PYGM: variants seen among roughly 807,000 people sequenced by gnomAD.
PYGM encodes glycogen phosphorylase, muscle associated, also known as glycogen phosphorylase, muscle form.
Under a neutral mutation model 99.3 loss-of-function variants are expected in PYGM, and 81 were observed. That is an observed-to-expected ratio of 0.82 (90% CI 0.68 to 0.98). The LOEUF (loss-of-function observed/expected upper bound fraction) is 0.98. Among genes scored for constraint, PYGM ranks in the 50% least tolerant of loss-of-function variants. PYGM has a pLI of 0.00. For missense variants in PYGM, 1,030 were observed against 1,158.1 expected (o/e 0.89, Z 1.61); for synonymous variants, 436 against 451.5 (o/e 0.97, Z 0.44).
At position 64,750,542 on chromosome 11, in the gene PYGM, C is replaced by A. The variant is rs768434441; in HGVS notation, c.2011G>T (p.Gly671Cys). 15 of 1,614,070 alleles carry A rather than the reference C, an allele frequency of 9.3e-6. No homozygotes were observed. Among genetic ancestry groups the A allele is most frequent in the South Asian group, 3.3e-5 (3 of 91,092 alleles). ...ADLSEQISTA[G>C]TEASGTGNMK... ...TTGCCGGTGCCTGAGGCTTCAGTGC[C>A]CGCAGTGGAGATCTGCTCAGAGAGG... is the stretch of plus-strand genomic sequence containing the variant. Residue 671 changes from glycine to cysteine, a missense_variant, in exon 17 of 20, where the codon GGC becomes TGC. Physicochemically the swap from Gly to Cys is radical, Grantham distance 159. Coordinates refer to ENST00000164139, the MANE Select transcript of PYGM (RefSeq NM_005609.4).
At position 64,757,815 on chromosome 11, in the gene PYGM, C is replaced by T; in HGVS notation, c.624G>A (p.Glu208=). 2.5e-6 allele frequency: 4 copies of T among 1,614,184 alleles called. No homozygotes were observed. The highest frequency in any genetic ancestry group is 2.5e-6 in the Non-Finnish European group (3 of 1,180,038). ...TLPVHFYGHV[E]HTSQGAKWVD... Reference sequence around the variant, plus strand: ...CCCACTTGGCACCCTGGCTGGTGTGCTCCACATGGCCGTAGAAGTGCACAG... The same window carrying T: ...CCCACTTGGCACCCTGGCTGGTGTGTTCCACATGGCCGTAGAAGTGCACAG... Residue 208 remains glutamate (E), a synonymous_variant, in exon 5 of 20, where the codon GAG becomes GAA. Transcript: ENST00000164139.
rs984250045 is a variant in PYGM at position 64,750,446 on chromosome 11, C to T, written c.2107G>A (p.Glu703Lys). 9.3e-6 allele frequency: 15 copies of T among 1,614,092 alleles called. No homozygotes were observed. The African/African-American group carries it at 9.3e-5, about 10-fold the overall frequency. ...ATGAAGAAGTTTTCCTCTCCCGCCT[C>T]TTCTGCCATCTCCACATTGGCCCCG... The part of the protein sequence containing the change: ...MDGANVEMAE[E>K]AGEENFFIFG... The change falls in exon 17 of 20, where the codon GAG becomes AAG. Residue 703 changes from glutamate (E) to lysine (K), a missense_variant. Coordinates refer to ENST00000164139, the MANE Select transcript of PYGM (RefSeq NM_005609.4).
intron 17 of PYGM, 64 bp from the exon 18 acceptor site, chr11:64,747,422 A>T: frequency 1.2e-6 from 2 of 1,609,864 alleles, no homozygotes; most frequent in Non-Finnish European, 1.7e-6. Context: ...TCCAGAGAAA[A>T]GCTGAGAAGT....
intron 16 of PYGM, 108 bp from the exon 17 acceptor site, chr11:64,750,691 CA>C (rs1345032590): frequency 9.7e-7 from 1 of 1,026,712 alleles, no homozygotes. Context: ...AGAGTCGCCC[CA>C]CCCCAAACTC....
In PYGM at chr11:64,754,286, G is replaced by T. The variant is rs766772774; in HGVS notation, c.1059C>A (p.Ile353=). The T allele has an allele frequency of 1.2e-6, 2 of 1,613,744 alleles. No individual in the cohort carries two copies. The highest frequency in any genetic ancestry group is 1.1e-5 in the South Asian group (1 of 91,076). Residue 353 remains isoleucine, a synonymous_variant, in exon 9 of 20, where the codon ATC becomes ATA. Transcript: ENST00000164139. This position sits in a 1 kb window ranked among gnomAD's most constrained non-coding sequence, Gnocchi z 5.5. ...PSLAIPELMR[I]LVDLERMDWD... ...AGTCCATCCGTTCCAGGTCCACCAG[G>T]ATCCTCATCAGCTCGGGGATGGCCA...
chr11:64,748,629 C>A (rs2058331103), intron 17 of PYGM: 1 of 152,166 alleles, frequency 6.6e-6, no homozygotes, highest in African/African-American at 2.4e-5. Flanking sequence ...CGGAAATTAA[C>A]CTTAGTGTCC....
At chr11:64,758,107 T>C in intron 4 of PYGM, 139 bp downstream of exon 4, 1 of 1,325,144 alleles carries the variant, frequency 7.5e-7, no homozygotes, top group Non-Finnish European at 1.1e-6. Flanking sequence ...CAGCTGGCTT[T>C]GGGTCGGGGG....
At position 64,753,522 on chromosome 11, in the gene PYGM, GTCT is replaced by G. The variant is rs2058370932; in HGVS notation, c.1397_1399del (p.Lys466del). ...GGATCTGGAAAGCGGGGCTCACATG[GTCT>G]TCTTGAGGATCTCGGAGTGGATGCG... On this transcript the variant is annotated inframe_deletion, in exon 11 of 20. Transcript: ENST00000164139. 6 of 1,589,878 alleles carry G rather than the reference GTCT, an allele frequency of 3.8e-6. No individual in the cohort carries two copies. Among genetic ancestry groups the G allele is most frequent in the African/African-American group, 1.3e-5 (1 of 74,756 alleles).
chr11:64,747,748 C>T (rs1365276225), intron 17 of PYGM: 1 of 332,778 alleles, frequency 3.0e-6, no homozygotes, highest in Admixed American at 4.1e-5. Context: ...AGGTACAACC[C>T]TTCAACTGGG....
chr11:64,749,793 A>ATTTTT (rs71049658), intron 17 of PYGM, among the ~76,000 whole-genome samples: 1 of 136,324 alleles, frequency 7.3e-6, no homozygotes, highest in African/African-American at 2.7e-5. Context: ...GGGAGCAAGG[A>ATTTTT]TTTTTTTTTT....
In PYGM at chr11:64,754,733, C is replaced by G; in HGVS notation, c.959G>C (p.Arg320Pro). 1 of 1,613,734 alleles carries G rather than the reference C, an allele frequency of 6.2e-7. No individual in the cohort carries two copies. The highest frequency in any genetic ancestry group is 8.5e-7 in the Non-Finnish European group (1 of 1,179,988). Residue 320 changes from arginine to proline, a missense_variant, in exon 8 of 20, where the codon CGT (arginine) becomes CCT (proline). By Grantham distance (103) the Arg-to-Pro change is moderately radical. Coordinates refer to ENST00000164139, the MANE Select transcript of PYGM (RefSeq NM_005609.4). The surrounding 1 kb of genome is among the most constrained non-coding windows in gnomAD (Gnocchi z 5.5). ...ATCGAAGTTCGTGCGCACGGGATCA[C>G]GGCAGCCGAACTTGGAAGACTTGAA... ...RRFKSSKFGC[R>P]DPVRTNFDAF...
rs886048460 is a variant in PYGM, at chr11:64,746,738, G to C, written c.2450C>G (p.Thr817Ser). Reference protein sequence around the residue: ...ATSGKFSSDRTIAQYAREIWG... With the variant: ...ATSGKFSSDRSIAQYAREIWG... ...GATCTCCCGGGCATACTGGGCAATG[G>C]TGCGGTCACTGGAGAACTTGCCAGA... is the stretch of plus-strand genomic sequence containing the variant. Residue 817 changes from threonine (T) to serine (S), a missense_variant, in exon 20 of 20, where the codon ACC becomes AGC. Coordinates refer to ENST00000164139, the MANE Select transcript of PYGM (RefSeq NM_005609.4). 1.2e-6 allele frequency: 2 copies of C among 1,614,204 alleles called. No homozygotes were observed. The highest frequency in any genetic ancestry group is 1.7e-6 in the Non-Finnish European group (2 of 1,180,046).
At chr11:64,752,343 A>G in intron 13 of PYGM, 60 bp downstream of exon 13, 1 of 1,573,600 alleles carries the variant, frequency 6.4e-7, no homozygotes, top group Non-Finnish European at 8.7e-7. Context: ...TGACCCAGAC[A>G]TCTGGCCCCT....
In PYGM at chr11:64,754,068, G is replaced by A. The variant is rs1206460298; in HGVS notation, c.1093-43C>T. 6.3e-7 allele frequency: 1 copy of A among 1,597,584 alleles called. No homozygotes were observed. The highest frequency in any genetic ancestry group is 8.5e-7 in the Non-Finnish European group (1 of 1,172,192). ...CAGTCAGGATGCTGACCTCAGCCCA[G>A]TGGGTCTCCTCACACACTACGCATC... On this transcript the variant is annotated intron_variant, in intron 9 of 19. Transcript: ENST00000164139. This position sits in a 1 kb window ranked among gnomAD's most constrained non-coding sequence, Gnocchi z 5.5.
intron 17 of PYGM, chr11:64,747,691 C>A: frequency 2.7e-6 from 1 of 373,202 alleles, no homozygotes; most frequent in Non-Finnish European, 5.2e-6. Context: ...CCTCCAGTAG[C>A]CCAAGTCCAT....
At position 64,755,868 on chromosome 11, in the gene PYGM, A is replaced by G. The variant is rs977970819; in HGVS notation, c.661-310T>C. 2.0e-5 allele frequency among the ~76,000 whole-genome samples: 3 copies of G among 152,076 alleles called. No individual in the cohort carries two copies. Among genetic ancestry groups the G allele is most frequent in the Non-Finnish European group, 4.4e-5 (3 of 67,990 alleles). On this transcript the variant is annotated intron_variant, in intron 5 of 19. Transcript: ENST00000164139. This position sits in a 1 kb window ranked among gnomAD's most constrained non-coding sequence, Gnocchi z 4.1. The stretch of plus-strand genomic sequence containing the variant: ...CTCTGTTGGCGACCACTCTGCAGCA[A>G]TGGGGGCTGGGCTGGCCAGCCTGGC...
Position 64,755,552 on chromosome 11 carries a change from G to A in PYGM, c.667C>T (p.Leu223=), listed in dbSNP as rs772025653. 3.7e-6 allele frequency: 6 copies of A among 1,613,786 alleles called. No individual in the cohort carries two copies. The highest frequency in any genetic ancestry group is 2.2e-5 in the East Asian group (1 of 44,884). ...ACGGGCGTATCGTAGGGCATGGCCAGTACCACCTGCGGGGGGCAATCCTGT... is the reference window on the plus strand; with the variant it reads ...ACGGGCGTATCGTAGGGCATGGCCAATACCACCTGCGGGGGGCAATCCTGT... The part of the protein sequence containing the change: ...GAKWVDTQVV[L]AMPYDTPVPG... The change falls in exon 6 of 20, where the codon CTG becomes TTG. Residue 223 remains leucine, a synonymous_variant. Transcript: ENST00000164139. This position sits in a 1 kb window ranked among gnomAD's most constrained non-coding sequence, Gnocchi z 4.1.
intron 5 of PYGM, among the ~76,000 whole-genome samples, chr11:64,756,892 C>T (rs1278792524): frequency 1.3e-5 from 2 of 152,216 alleles, no homozygotes; most frequent in South Asian, 4.1e-4. Flanking sequence ...CCTTTAAATC[C>T]TGGACTCAAG....
chr11:64,759,671 ATAG>A lies in PYGM; in HGVS notation c.225_227del (p.Tyr76del). ...CCAGCAGCACCTTGGGGTCCTTCTC[ATAG>A]TAGTGCTGCTGCGTGCGGATCCAGC... is the stretch of plus-strand genomic sequence containing the variant. On this transcript the variant is annotated inframe_deletion, in exon 1 of 20. Coordinates refer to ENST00000164139, the MANE Select transcript of PYGM (RefSeq NM_005609.4). The A allele has an allele frequency of 1.9e-6, 3 of 1,613,686 alleles. No individual in the cohort carries two copies. The highest frequency in any genetic ancestry group is 2.5e-6 in the Non-Finnish European group (3 of 1,179,866).
Sources: gnomAD v4.1 joint callset for allele counts (sites outside exome capture counted in the v4.1 genomes callset) on GRCh38, gnomAD v4.1.1 for gene constraint, Gnocchi (gnomAD v3.1) non-coding constraint, MANE v1.5 for transcripts, NCBI Gene and HGNC (gene_info 2026-07-23, HGNC 2026-07-21) for gene names.